SNX18: variants seen among roughly 807,000 people sequenced by gnomAD.
The protein encoded by SNX18 is sorting nexin-18.
SNX18 carries 35 observed loss-of-function variants against 48.7 expected under a neutral mutation model. The ratio of observed to expected loss-of-function variants is 0.72; its 90% CI spans 0.55 to 0.95. SNX18 has a LOEUF of 0.95. Ranked by LOEUF, SNX18 falls within the 40% of genes least tolerant of loss-of-function variation. The pLI is 0.00. For missense variants in SNX18, 824 were observed against 871.0 expected (o/e 0.95, Z 0.68); for synonymous variants, 492 against 384.7 (o/e 1.28, Z -3.26).
In SNX18 at chr5:54,519,559, T is replaced by C. The variant is rs779074773; in HGVS notation, c.1607T>C (p.Ile536Thr). The change falls in exon 1 of 2, where the codon ATC becomes ACC. Residue 536 changes from isoleucine (I) to threonine (T), a missense_variant. By Grantham distance (89) the Ile-to-Thr change is moderately conservative. Around this residue, in one of 3 missense-constraint regions of SNX18, gnomAD observed 443 missense variants for 503.6 expected, o/e 0.88. Transcript: ENST00000381410. Reference protein sequence around the residue: ...QGHLANFPDIIHVQKGALTKV... With the variant: ...QGHLANFPDITHVQKGALTKV... ...CATCTGGCTAACTTCCCGGACATCA[T>C]CCACGTTCAGAAAGGTAAAGCCTGG... The C allele has an allele frequency of 6.2e-7, 1 of 1,614,114 alleles. No homozygotes were observed. The highest frequency in any genetic ancestry group is 2.2e-5 in the East Asian group (1 of 44,862).
At chr5:54,536,645 T>C (rs1762362065) in intron 1 of SNX18, among the ~76,000 whole-genome samples, 6 of 152,216 alleles carry the variant, frequency 3.9e-5, no homozygotes, top group Admixed American at 3.9e-4. Context: ...GTCATTTGGG[T>C]TGGTTCCAAG....
At chr5:54,627,341 T>G in the SNX18 span, among the ~76,000 whole-genome samples, 1 of 152,180 alleles carries the variant, frequency 6.6e-6, no homozygotes, top group Non-Finnish European at 1.5e-5. Context: ...CTGATGGTGT[T>G]TAGCTTCTCT....
chr5:54,529,233 G>A (rs910103422), intron 1 of SNX18, among the ~76,000 whole-genome samples: 1 of 152,126 alleles, frequency 6.6e-6, no homozygotes. Context: ...TGCCTGCAGA[G>A]TAGGGTAAGG....
chr5:54,625,821 G>A, the SNX18 span, among the ~76,000 whole-genome samples: 1 of 152,136 alleles, frequency 6.6e-6, no homozygotes, highest in East Asian at 1.9e-4. Flanking sequence ...CTTCACCCTG[G>A]AACTTTGGCT....
chr5:54,584,293 G>A, the SNX18 span, among the ~76,000 whole-genome samples: 17,839 of 151,876 alleles, frequency 0.12, 1,139 homozygotes, highest in African/African-American at 0.18. Flanking sequence ...GGCAGTCCGC[G>A]TGCCTCAGCC....
chr5:54,619,826 C>T, the SNX18 span, among the ~76,000 whole-genome samples: 2 of 152,028 alleles, frequency 1.3e-5, no homozygotes, highest in African/African-American at 2.4e-5. Context: ...AAGTAAGCAA[C>T]AAGGCAAGTG....
At chr5:54,619,399 T>G in the SNX18 span, among the ~76,000 whole-genome samples, 1 of 152,074 alleles carries the variant, frequency 6.6e-6, no homozygotes, top group African/African-American at 2.4e-5. Context: ...TAGTCCCAAC[T>G]ACTCGGGAGG....
chr5:54,583,947 G>C, the SNX18 span, among the ~76,000 whole-genome samples: 3 of 152,080 alleles, frequency 2.0e-5, no homozygotes, highest in South Asian at 4.1e-4. Context: ...TACACCTGCT[G>C]CAGCTTGGCG....
chr5:54,581,579 C>A, the SNX18 span, among the ~76,000 whole-genome samples: 1 of 152,150 alleles, frequency 6.6e-6, no homozygotes, highest in East Asian at 1.9e-4. Flanking sequence ...CTGCCTGCTC[C>A]CACGTTTCCC....
In SNX18 at chr5:54,518,088, G is replaced by C; in HGVS notation, c.136G>C (p.Gly46Arg). ...CTGGCTCGAGGGGGTCAACAGCCGCGGCGACCGCGGCCTCTTCCCGGCCTC... is the reference window on the plus strand; with the variant it reads ...CTGGCTCGAGGGGGTCAACAGCCGCCGCGACCGCGGCCTCTTCCCGGCCTC... The part of the protein sequence containing the change: ...EGWLEGVNSR[G>R]DRGLFPASYV... Residue 46 changes from glycine (G) to arginine (R), a missense_variant, in exon 1 of 2, where the codon GGC becomes CGC. Physicochemically the swap from Gly to Arg is moderately radical, Grantham distance 125. Around this residue, in one of 3 missense-constraint regions of SNX18, gnomAD observed 377 missense variants for 350.6 expected, o/e 1.08. Coordinates refer to ENST00000381410, the MANE Select transcript of SNX18 (RefSeq NM_001102575.2). 2 of 1,527,676 alleles carry C rather than the reference G, an allele frequency of 1.3e-6. No individual in the cohort carries two copies. The highest frequency in any genetic ancestry group is 8.7e-7 in the Non-Finnish European group (1 of 1,143,504). The allele number at this position is 1,527,676 out of a possible 1,614,324, so 94.6% of individuals were successfully genotyped here.
chr5:54,598,615 G>T, the SNX18 span, among the ~76,000 whole-genome samples: 454 of 152,152 alleles, frequency 3.0e-3, no homozygotes, highest in Middle Eastern at 0.014. Context: ...CACATAAACG[G>T]ATCTAAAGAC....
chr5:54,593,808 G>A, the SNX18 span, among the ~76,000 whole-genome samples: 1 of 152,150 alleles, frequency 6.6e-6, no homozygotes, highest in Non-Finnish European at 1.5e-5. Context: ...CTCAACAAAT[G>A]GTGTAGAAAC....
chr5:54,538,102 A>T (rs1050436188), intron 1 of SNX18, among the ~76,000 whole-genome samples: 2 of 152,216 alleles, frequency 1.3e-5, no homozygotes, highest in Non-Finnish European at 2.9e-5. Flanking sequence ...ATATGAAGAT[A>T]ATTGTGAAGC....
At chr5:54,521,493 A>G (rs566484060) in intron 1 of SNX18, among the ~76,000 whole-genome samples, 122 of 152,228 alleles carry the variant, frequency 8.0e-4, no homozygotes, top group African/African-American at 2.9e-3. Context: ...TAAGGCCAGG[A>G]GTTCGAGACC....
At chr5:54,610,641 G>A in the SNX18 span, among the ~76,000 whole-genome samples, 1 of 152,208 alleles carries the variant, frequency 6.6e-6, no homozygotes, top group Admixed American at 6.5e-5. Context: ...TTGCTTTGGT[G>A]TGTTATTTGT....
the SNX18 span, among the ~76,000 whole-genome samples, chr5:54,581,835 C>G: frequency 1.2e-4 from 18 of 152,148 alleles, no homozygotes; most frequent in African/African-American, 4.1e-4. Flanking sequence ...TGCAATGTAG[C>G]AAGCAAAACA....
At chr5:54,548,526 T>C (rs909501119), downstream of SNX18, among the ~76,000 whole-genome samples, 3 of 152,230 alleles carry the variant, frequency 2.0e-5, no homozygotes, top group African/African-American at 7.2e-5. Flanking sequence ...TCCTAGTTGC[T>C]CCACTCTCTG....
At chr5:54,528,162 A>G (rs1384188417) in intron 1 of SNX18, among the ~76,000 whole-genome samples, 1 of 152,052 alleles carries the variant, frequency 6.6e-6, no homozygotes, top group Non-Finnish European at 1.5e-5. Flanking sequence ...ACACACACAC[A>G]CACATTTTCC....
intron 1 of SNX18, among the ~76,000 whole-genome samples, chr5:54,524,761 C>T (rs951886298): frequency 1.4e-4 from 21 of 152,208 alleles, no homozygotes. Flanking sequence ...CATATTTATA[C>T]AACACAGACT....
Sources: allele counts gnomAD v4.1 joint callset (sites outside exome capture counted in the v4.1 genomes callset), GRCh38; gene constraint gnomAD v4.1.1; regional missense constraint gnomAD v4.1.1; transcripts MANE v1.5; gene names NCBI Gene and HGNC (gene_info 2026-07-23, HGNC 2026-07-21).